LPIN1: variants seen among roughly 807,000 people sequenced by gnomAD.
The protein encoded by LPIN1 is lipin 1, also known as phosphatidate phosphatase LPIN1.
In LPIN1, 71 loss-of-function variants were observed where a neutral mutation model predicts 107.5. That is an observed-to-expected ratio of 0.66 (90% confidence interval 0.55 to 0.80). The LOEUF is 0.80. LPIN1 is among the 30% of genes least tolerant of loss of function. The probability of loss-of-function intolerance (pLI) is 0.00; values close to 1 mark genes in which losing one functional copy is unlikely to be tolerated. For synonymous variants in LPIN1, 445 were observed against 452.6 expected (o/e 0.98, Z 0.21); for missense variants, 1,043 against 1,160.6 (o/e 0.90, Z 1.47).
intron 17 of LPIN1, among the ~76,000 whole-genome samples, chr2:11,811,814 G>A (rs550228976): frequency 5.3e-5 from 8 of 152,258 alleles, no homozygotes; most frequent in African/African-American, 1.9e-4. Flanking sequence ...ATGAAACCCT[G>A]TCTCTACTAA....
Position 11,691,345 on chromosome 2 carries a change from C to T in LPIN1, c.81+13617C>T, listed in dbSNP as rs546034990. On this transcript the variant is annotated intron_variant, in intron 1 of 21. Transcript: ENST00000449576. ...TCCTGCTTGAAAGGTTGGGTCACTT[C>T]CCTCTATTGCCTTGGCCCTAAGCAG... 3.3e-5 allele frequency among the ~76,000 whole-genome samples: 5 copies of T among 152,232 alleles called. No individual in the cohort carries two copies. In the South Asian group the frequency reaches 6.2e-4, roughly 19 times the overall value.
intron 1 of LPIN1, among the ~76,000 whole-genome samples, chr2:11,734,873 G>T (rs1665626004): frequency 6.6e-6 from 1 of 152,144 alleles, no homozygotes. Context: ...GCATGAGAGA[G>T]AATGCAAAAA....
chr2:11,727,065 C>G (rs1197124656), intron 1 of LPIN1, among the ~76,000 whole-genome samples: 1 of 152,224 alleles, frequency 6.6e-6, no homozygotes, highest in African/African-American at 2.4e-5. Context: ...AGGTTTTCTA[C>G]TGTAATTTCC....
chr2:11,713,926 A>G (rs1663564378), intron 2 of LPIN1: 1 of 685,656 alleles, frequency 1.5e-6, no homozygotes. Context: ...TCTCCAAGGC[A>G]GGCCTATTCC....
chr2:11,824,631 G>C lies in LPIN1; in HGVS notation c.2622-1G>C. ...CAGTGACAATGTCCCTTTCCTTCCA[G>C]GTATGTGAGACTCTGTGAAGTAGTC... On this transcript the variant is annotated splice_acceptor_variant, in intron 20 of 20. Coordinates refer to ENST00000674199, the MANE Select transcript of LPIN1 (RefSeq NM_001349206.2). LOFTEE classifies it high-confidence loss of function. 6.2e-7 allele frequency: 1 copy of C among 1,613,988 alleles called. No homozygotes were observed. Among genetic ancestry groups the C allele is most frequent in the South Asian group, 1.1e-5 (1 of 91,062 alleles).
At chr2:11,684,104 G>A (rs1237178851) in intron 1 of LPIN1, among the ~76,000 whole-genome samples, 3 of 152,216 alleles carry the variant, frequency 2.0e-5, no homozygotes, top group East Asian at 1.9e-4. Context: ...CCTCTGGCAG[G>A]TATCACGCTG....
chr2:11,808,441 C>G (rs1029263440), intron 17 of LPIN1, among the ~76,000 whole-genome samples: 4 of 152,202 alleles, frequency 2.6e-5, no homozygotes, highest in Non-Finnish European at 5.9e-5. Flanking sequence ...TCTAGAGAAA[C>G]AGAGAAATGA....
Position 11,794,424 on chromosome 2 carries a change from G to T in LPIN1, c.1807-984G>T, listed in dbSNP as rs74347489. ...ACATATTTGGGAAATAGTCTAAGAA[G>T]AAATTGCTAATAGTGATGGCTAAGT... On this transcript the variant is annotated intron_variant, in intron 13 of 20. Transcript: ENST00000674199. 2.8e-3 allele frequency among the ~76,000 whole-genome samples: 421 copies of T among 152,266 alleles called. 1 individual carries two copies. Among genetic ancestry groups the T allele is most frequent in the African/African-American group, 9.8e-3 (409 of 41,546 alleles).
At chr2:11,812,732 G>T (rs1385327214) in intron 17 of LPIN1, among the ~76,000 whole-genome samples, 1 of 152,198 alleles carries the variant, frequency 6.6e-6, no homozygotes, top group African/African-American at 2.4e-5. Flanking sequence ...GAAGGGTTTG[G>T]ACGACGTCTG....
chr2:11,735,095 C>T lies in LPIN1; in HGVS notation c.-71-6254C>T, dbSNP rs536801696. On this transcript the variant is annotated intron_variant, in intron 1 of 21. Coordinates refer to the LPIN1 transcript ENST00000396097. ...TTACCTGAGGTCAGGAGTTCGAGACCAACCTGGCCAACACGGTGAAACCCC... is the reference window on the plus strand; with the variant it reads ...TTACCTGAGGTCAGGAGTTCGAGACTAACCTGGCCAACACGGTGAAACCCC... Among the ~76,000 whole-genome samples, 3 of 152,086 alleles carry T rather than the reference C, an allele frequency of 2.0e-5. No homozygotes were observed. In the South Asian group the frequency reaches 6.2e-4, roughly 32 times the overall value.
intron 1 of LPIN1, among the ~76,000 whole-genome samples, chr2:11,688,541 C>T (rs1387586254): frequency 6.6e-6 from 1 of 152,170 alleles, no homozygotes; most frequent in East Asian, 1.9e-4. Flanking sequence ...TGCAGCCCTT[C>T]GCAGAAACAT....
rs1458333943 is a variant in LPIN1 at position 11,771,064 on chromosome 2, T to TA, written c.289-307dup. 6.6e-6 allele frequency among the ~76,000 whole-genome samples: 1 copy of TA among 152,184 alleles called. No individual in the cohort carries two copies. The highest frequency in any genetic ancestry group is 1.5e-5 in the Non-Finnish European group (1 of 68,024). Reference sequence around the variant, plus strand: ...CCATTTTTTTCCTCTGTGCTCTGGGTATTACAGCCAAAGTTGAATTTTGGG... The same window carrying TA: ...CCATTTTTTTCCTCTGTGCTCTGGGTAATTACAGCCAAAGTTGAATTTTGGG... On this transcript the variant is annotated intron_variant, in intron 3 of 20. Coordinates refer to ENST00000674199, the MANE Select transcript of LPIN1 (RefSeq NM_001349206.2). This position sits in a 1 kb window ranked among gnomAD's most constrained non-coding sequence, Gnocchi z 4.8.
intron 1 of LPIN1, chr2:11,763,429 A>G (rs1029066374): frequency 1.3e-5 from 2 of 152,512 alleles, no homozygotes; most frequent in African/African-American, 4.8e-5. Flanking sequence ...ATCCAGAGCT[A>G]CGAAAAGAAG....
intron 8 of LPIN1, among the ~76,000 whole-genome samples, chr2:11,782,975 G>A (rs1673826700): frequency 1.3e-5 from 2 of 152,108 alleles, no homozygotes; most frequent in African/African-American, 2.4e-5. Flanking sequence ...AATATGTGCT[G>A]TCTGAGATCA....
chr2:11,794,324 C>T (rs946140772), intron 13 of LPIN1, among the ~76,000 whole-genome samples: 1 of 152,048 alleles, frequency 6.6e-6, no homozygotes, highest in Non-Finnish European at 1.5e-5. Flanking sequence ...AAGTGGAGTG[C>T]CGCTATAAAG....
intron 1 of LPIN1, among the ~76,000 whole-genome samples, chr2:11,763,929 C>T (rs1454543702): frequency 6.7e-6 from 1 of 149,432 alleles, no homozygotes; most frequent in African/African-American, 2.5e-5. Context: ...TTAGTGTTTA[C>T]TTAAAACAAA....
Position 11,725,805 on chromosome 2 carries a change from C to T in LPIN1, c.-72+1266C>T, listed in dbSNP as rs747159545. Among the ~76,000 whole-genome samples, 8 of 152,148 alleles carry T rather than the reference C, an allele frequency of 5.3e-5. No homozygotes were observed. In the East Asian group the frequency reaches 9.6e-4, roughly 18 times the overall value. On this transcript the variant is annotated intron_variant, in intron 1 of 21. Transcript: ENST00000396097. ...GCAGGGAAACACGTGGGCACAATCC[C>T]GGAATCACTTTTTTCTCCCTGGATT...
rs375865167 is a variant in LPIN1 at position 11,802,965 on chromosome 2, G to A, written c.1945G>A (p.Ala649Thr). ...GCGCGCAGCTGCCAAGCCATCAAAC[G>A]CAGGCCACCTCCCTCTTCTGCCTAA... ...EERAAAKPSN[A>T]GHLPLLPNVS... The change falls in exon 15 of 21, where the codon GCA becomes ACA. Residue 649 changes from alanine to threonine, a missense_variant. Transcript: ENST00000674199. 97 of 1,613,256 alleles carry A rather than the reference G, an allele frequency of 6.0e-5. No individual in the cohort carries two copies. The highest frequency in any genetic ancestry group is 1.8e-4 in the Middle Eastern group (1 of 5,462).
chr2:11,761,267 T>TA (rs1177568081), intron 1 of LPIN1, among the ~76,000 whole-genome samples: 3 of 152,250 alleles, frequency 2.0e-5, no homozygotes, highest in Non-Finnish European at 4.4e-5. Context: ...AATCATTTCT[T>TA]ATATTGTACA....
Sources: gnomAD v4.1 joint callset for allele counts (sites outside exome capture counted in the v4.1 genomes callset) on GRCh38, gnomAD v4.1.1 for gene constraint, Gnocchi (gnomAD v3.1) non-coding constraint, MANE v1.5 for transcripts, NCBI Gene and HGNC (gene_info 2026-07-23, HGNC 2026-07-21) for gene names.